Variants in NUP153 observed in about 807,000 individuals in gnomAD.
NUP153 encodes nuclear pore complex protein Nup153.
In NUP153, 27 loss-of-function variants were observed where a neutral mutation model predicts 134.6. That is an observed-to-expected ratio of 0.20 (90% CI 0.15 to 0.28). The LOEUF is 0.28. Ranked by LOEUF, NUP153 falls within the 10% of genes least tolerant of loss-of-function variation. The pLI, the probability that NUP153 is intolerant of heterozygous loss-of-function variation, is 1.00. For synonymous variants in NUP153, 640 were observed against 623.5 expected (o/e 1.03, Z -0.40); for missense variants, 1,821 against 1,731.3 (o/e 1.05, Z -0.92).
At chr6:17,670,598 T>C (rs1394568881) in intron 5 of NUP153, among the ~76,000 whole-genome samples, 2 of 152,230 alleles carry the variant, frequency 1.3e-5, no homozygotes, top group African/African-American at 4.8e-5. Context: ...ATAGCAGACA[T>C]CCTTGCTTGC....
intron 16 of NUP153, among the ~76,000 whole-genome samples, chr6:17,635,740 G>C (rs78424454): frequency 0.061 from 9,299 of 152,130 alleles, 390 homozygotes; most frequent in Non-Finnish European, 0.084. Context: ...TCTATCTTCC[G>C]GTCTCCAAAT....
Position 17,647,427 on chromosome 6 carries a change from G to A in NUP153, c.1632+380C>T, listed in dbSNP as rs146672699. 7.9e-5 allele frequency among the ~76,000 whole-genome samples: 12 copies of A among 152,278 alleles called. No individual in the cohort carries two copies. In the East Asian group the frequency reaches 1.5e-3, roughly 20 times the overall value. ...CAACAGAAATAAAACAGCAATTAAA[G>A]GACAGTCTGGGGATAATGGGGAAAT... On this transcript the variant is annotated intron_variant, in intron 13 of 21. Coordinates refer to ENST00000262077, the MANE Select transcript of NUP153 (RefSeq NM_005124.4).
intron 2 of NUP153, among the ~76,000 whole-genome samples, chr6:17,679,914 C>A (rs79295215): frequency 0.041 from 6,232 of 152,230 alleles, 395 homozygotes; most frequent in East Asian, 0.29. Context: ...TGCGAAATAA[C>A]TGATTTACAG....
intron 1 of NUP153, among the ~76,000 whole-genome samples, chr6:17,697,843 C>CA (rs542939047): frequency 4.5e-4 from 69 of 152,160 alleles, no homozygotes; most frequent in Non-Finnish European, 7.6e-4. Flanking sequence ...ACTCAGAACT[C>CA]ACTTGTAATT....
rs1767777063 is a variant in NUP153, at chr6:17,669,657, A to G, written c.853-111T>C. ...GGATGTCCAAAGTAAAACAGGATTTAATGCATTAACAGCAATTTATCTTTG... is the reference window on the plus strand; with the variant it reads ...GGATGTCCAAAGTAAAACAGGATTTGATGCATTAACAGCAATTTATCTTTG... On this transcript the variant is annotated intron_variant, in intron 5 of 21. Transcript: ENST00000262077. The G allele has an allele frequency of 2.4e-5, 18 of 752,570 alleles. No individual in the cohort carries two copies. In the East Asian group the frequency reaches 4.6e-4, roughly 19 times the overall value. 46.6% of individuals were successfully genotyped at this position (752,570 alleles called of 1,614,324 possible). A position where few individuals can be genotyped will look rare whatever the true frequency, so the allele number is the denominator to read the frequency against.
rs1765633239 is a variant in NUP153 at position 17,637,759 on chromosome 6, G to A, written c.1858C>T (p.Pro620Ser). 4 of 1,598,338 alleles carry A rather than the reference G, an allele frequency of 2.5e-6. No homozygotes were observed. The highest frequency in any genetic ancestry group is 1.7e-5 in the Admixed American group (1 of 59,614). ...TGAGCAGCAACAGAATCTATCTTCG[G>A]CGATGCGAAACCTACAATGAACGAA... ...DILKSPGFASPKIDSVAAQPT... is the reference protein window; with the variant it reads ...DILKSPGFASSKIDSVAAQPT... The change falls in exon 16 of 22, where the codon CCG becomes TCG. Residue 620 changes from proline to serine, a missense_variant. Coordinates refer to ENST00000262077, the MANE Select transcript of NUP153 (RefSeq NM_005124.4).
In NUP153 at chr6:17,665,382, C is replaced by T. The variant is rs144758578; in HGVS notation, c.1072G>A (p.Asp358Asn). Residue 358 changes from aspartate (D) to asparagine (N), a missense_variant, in exon 9 of 22, where the codon GAT becomes AAT. By Grantham distance (23) the Asp-to-Asn change is conservative. Coordinates refer to ENST00000262077, the MANE Select transcript of NUP153 (RefSeq NM_005124.4). ...CTCTGAACAGGAGGATATTGAGAAT[C>T]CACCTTACAGGTAAAGAGAAATCAA... ...TDFQAKREKV[D>N]SQYPPVQRLM... is the part of the protein sequence containing the mutation. 6.2e-7 allele frequency: 1 copy of T among 1,607,606 alleles called. No homozygotes were observed. The highest frequency in any genetic ancestry group is 1.1e-5 in the South Asian group (1 of 89,554).
chr6:17,661,934 A>C (rs1482565279), intron 10 of NUP153, 84 bp downstream of exon 10: 1 of 1,276,270 alleles, frequency 7.8e-7, no homozygotes, highest in Non-Finnish European at 1.1e-6. Context: ...TTTGATTTTA[A>C]TCTTCAAAAA....
chr6:17,702,465 G>GCA (rs1373775682), intron 1 of NUP153, among the ~76,000 whole-genome samples: 14 of 151,720 alleles, frequency 9.2e-5, no homozygotes, highest in Non-Finnish European at 1.3e-4. Context: ...CAGAGATCGT[G>GCA]CCACTGCACT....
chr6:17,690,444 CT>C (rs1769209362), intron 1 of NUP153, among the ~76,000 whole-genome samples: 1 of 151,926 alleles, frequency 6.6e-6, no homozygotes, highest in African/African-American at 2.4e-5. Context: ...CCTCCCTGTA[CT>C]TTGATTTACT....
At chr6:17,669,927 T>A (rs181301909) in intron 5 of NUP153, among the ~76,000 whole-genome samples, 2 of 151,878 alleles carry the variant, frequency 1.3e-5, no homozygotes, top group Admixed American at 1.3e-4. Flanking sequence ...AAACCCCATC[T>A]GTATTAAAAT....
At chr6:17,636,127 A>C (rs1323889040) in intron 16 of NUP153, among the ~76,000 whole-genome samples, 1 of 152,212 alleles carries the variant, frequency 6.6e-6, no homozygotes, top group African/African-American at 2.4e-5. Context: ...TGATGTCAGG[A>C]GTCCAAGACC....
intron 2 of NUP153, among the ~76,000 whole-genome samples, chr6:17,681,511 G>A (rs1768579232): frequency 6.6e-6 from 1 of 152,168 alleles, no homozygotes; most frequent in Non-Finnish European, 1.5e-5. Flanking sequence ...CGTGAACCCA[G>A]ATGGAGGTTG....
rs1764928613 is a variant in NUP153, at chr6:17,626,006, C to T, written c.3703G>A (p.Val1235Met). The change falls in exon 19 of 22, where the codon GTG becomes ATG. Residue 1235 changes from valine (V) to methionine (M), a missense_variant. Coordinates refer to ENST00000262077, the MANE Select transcript of NUP153 (RefSeq NM_005124.4). Reference sequence around the variant, plus strand: ...GTGTTACCAAAGGCAGAGCTGCTCACAGGATTGCTGGACTGTCCAAACACA... The same window carrying T: ...GTGTTACCAAAGGCAGAGCTGCTCATAGGATTGCTGGACTGTCCAAACACA... ...TFVFGQSSNP[V>M]SSSAFGNTAE... 11 of 1,614,168 alleles carry T rather than the reference C, an allele frequency of 6.8e-6. No individual in the cohort carries two copies. Among genetic ancestry groups the T allele is most frequent in the Non-Finnish European group, 9.3e-6 (11 of 1,180,034 alleles).
At chr6:17,664,715 T>C (rs996311288) in intron 9 of NUP153, among the ~76,000 whole-genome samples, 1 of 151,982 alleles carries the variant, frequency 6.6e-6, no homozygotes, top group Non-Finnish European at 1.5e-5. Flanking sequence ...ACCTAAACAA[T>C]GGGTACATGC....
At position 17,632,758 on chromosome 6, in the gene NUP153, G is replaced by T; in HGVS notation, c.2551C>A (p.Pro851Thr). The T allele has an allele frequency of 6.4e-7, 1 of 1,568,892 alleles. No individual in the cohort carries two copies. The highest frequency in any genetic ancestry group is 8.7e-7 in the Non-Finnish European group (1 of 1,153,898). ...AATTCACAGTCCCAGCTTCCCTCGGGTTTCTTGAACTTTTCCAATCCTAGA... is the reference window on the plus strand; with the variant it reads ...AATTCACAGTCCCAGCTTCCCTCGGTTTTCTTGAACTTTTCCAATCCTAGA... ...GSLGLEKFKK[P>T]EGSWDCELCL... Residue 851 changes from proline to threonine, a missense_variant, in exon 17 of 22, where the codon CCC (proline) becomes ACC (threonine). Pro to Thr is a conservative substitution (Grantham distance 38). Coordinates refer to ENST00000262077, the MANE Select transcript of NUP153 (RefSeq NM_005124.4).
chr6:17,629,516 A>G lies in NUP153; in HGVS notation c.2683T>C (p.Ser895Pro), dbSNP rs776900893. The change falls in exon 18 of 22, where the codon TCG becomes CCG. Residue 895 changes from serine to proline, a missense_variant. Physicochemically the swap from Ser to Pro is moderately conservative, Grantham distance 74. Transcript: ENST00000262077. ...FKGFDTSSSS[S>P]NSAASSSFKF... ...AAGGATGAGGAGGCTGCTGAGTTCG[A>G]AGATGAGGAAGATGTGTCAAAGCCT... The G allele has an allele frequency of 9.4e-6, 15 of 1,596,750 alleles. No homozygotes were observed. Among genetic ancestry groups the G allele is most frequent in the African/African-American group, 1.4e-5 (1 of 73,622 alleles).
At chr6:17,616,289 G>GGGGGGGGGGGGGCCC in intron 21 of NUP153, 108 bp from the exon 22 acceptor site, 1 of 467,360 alleles carries the variant, frequency 2.1e-6, no homozygotes, top group Non-Finnish European at 3.9e-6. Context: ...GGGTGGGGGG[G>GGGGGGGGGGGGGCCC]GAGTAGACTC....
intron 1 of NUP153, among the ~76,000 whole-genome samples, chr6:17,689,429 T>C (rs1367570123): frequency 6.6e-6 from 1 of 151,072 alleles, no homozygotes; most frequent in Non-Finnish European, 1.5e-5. Flanking sequence ...AAAAAAACAA[T>C]CCAACAAAAA....
Sources: gnomAD v4.1 joint callset for allele counts (sites outside exome capture counted in the v4.1 genomes callset) on GRCh38, gnomAD v4.1.1 for gene constraint, MANE v1.5 for transcripts, NCBI Gene and HGNC (gene_info 2026-07-23, HGNC 2026-07-21) for gene names.